SOX6: variants seen among roughly 807,000 people sequenced by gnomAD.
SOX6 encodes transcription factor SOX-6.
Under a neutral mutation model 97.8 loss-of-function variants are expected in SOX6, and 11 were observed. The ratio of observed to expected loss-of-function variants is 0.11; its 90% CI spans 0.07 to 0.19. SOX6 has a LOEUF of 0.19. Among genes scored for constraint, SOX6 ranks in the 10% least tolerant of loss-of-function variants. The pLI, the probability that SOX6 is intolerant of heterozygous loss-of-function variation, is 1.00. For synonymous variants in SOX6, 360 were observed against 371.4 expected, an observed-to-expected ratio of 0.97 and a Z score of 0.35; for missense variants, 810 against 1,039.5, an observed-to-expected ratio of 0.78 and a Z score of 3.04.
In SOX6 at chr11:15,999,863, A is replaced by G. The variant is rs115300795; in HGVS notation, c.1733-10633T>C. Among the ~76,000 whole-genome samples, 1,396 of 152,298 alleles carry G rather than the reference A, an allele frequency of 9.2e-3. 17 individuals are homozygous for G. The highest frequency in any genetic ancestry group is 0.032 in the African/African-American group (1,337 of 41,570). Reference sequence around the variant, plus strand: ...CCTGTGAGATTCTGAAGAGTCACACAATACATTTGATAGTCCCTTACTTGG... The same window carrying G: ...CCTGTGAGATTCTGAAGAGTCACACGATACATTTGATAGTCCCTTACTTGG... On this transcript the variant is annotated intron_variant, in intron 13 of 15. Coordinates refer to ENST00000683767, the MANE Select transcript of SOX6 (RefSeq NM_001367873.1).
chr11:16,370,126 C>T (rs758092075), intron 1 of SOX6, among the ~76,000 whole-genome samples: 18 of 152,158 alleles, frequency 1.2e-4, no homozygotes, highest in Non-Finnish European at 2.2e-4. Context: ...CTCCCCATCA[C>T]AAGTCCAAGC....
chr11:16,474,012 G>A (rs1481456704), intron 1 of SOX6, among the ~76,000 whole-genome samples: 1 of 152,108 alleles, frequency 6.6e-6, no homozygotes, highest in Non-Finnish European at 1.5e-5. Context: ...AATGTTTACA[G>A]CATCTTTCAC....
intron 4 of SOX6, among the ~76,000 whole-genome samples, chr11:16,222,888 C>T (rs1181990933): frequency 6.6e-6 from 1 of 152,070 alleles, no homozygotes; most frequent in African/African-American, 2.4e-5. Flanking sequence ...ATCCCTTTCA[C>T]CTTTATTATT....
chr11:16,435,918 G>C (rs1211809545), intron 1 of SOX6, among the ~76,000 whole-genome samples: 1 of 151,840 alleles, frequency 6.6e-6, no homozygotes, highest in African/African-American at 2.4e-5. Context: ...TCTCCATTAA[G>C]GGATTGCCCC....
intron 7 of SOX6, among the ~76,000 whole-genome samples, chr11:16,111,356 G>T (rs774366203): frequency 2.6e-5 from 4 of 152,130 alleles, no homozygotes; most frequent in Non-Finnish European, 4.4e-5. Context: ...TTTACCATTA[G>T]TGGTAAGCTA....
At chr11:16,706,262 G>C (rs1166591134) in intron 3 of SOX6, among the ~76,000 whole-genome samples, 1 of 148,218 alleles carries the variant, frequency 6.7e-6, no homozygotes. Flanking sequence ...CAACAAAGGA[G>C]ACCCCATTTC....
At position 16,212,771 on chromosome 11, in the gene SOX6, G is replaced by A. The variant is rs371435169; in HGVS notation, c.535+21811C>T. ...TCCAATCCGATGGATGCAAAATGGC[G>A]TCTTATTTTTTCTTTAATTTGCATT... On this transcript the variant is annotated intron_variant, in intron 4 of 15. Coordinates refer to ENST00000683767, the MANE Select transcript of SOX6 (RefSeq NM_001367873.1). 1.1e-4 allele frequency among the ~76,000 whole-genome samples: 16 copies of A among 152,150 alleles called. No homozygotes were observed. The East Asian group carries it at 1.7e-3, about 17-fold the overall frequency.
chr11:16,552,392 C>T (rs1050180243), intron 4 of SOX6, among the ~76,000 whole-genome samples: 8 of 152,158 alleles, frequency 5.3e-5, no homozygotes, highest in African/African-American at 1.9e-4. Flanking sequence ...AAAGGTCACC[C>T]TCATTTCCCC....
At chr11:16,467,913 C>T (rs1433363304) in intron 1 of SOX6, among the ~76,000 whole-genome samples, 2 of 152,194 alleles carry the variant, frequency 1.3e-5, no homozygotes, top group East Asian at 3.8e-4. Context: ...GAGACCACCA[C>T]TAAGCTTAAA....
chr11:16,722,121 G>A (rs1848271767), intron 2 of SOX6, among the ~76,000 whole-genome samples: 1 of 151,940 alleles, frequency 6.6e-6, no homozygotes, highest in Non-Finnish European at 1.5e-5. Flanking sequence ...CATAAGAATG[G>A]GCAAAGATTT....
chr11:16,242,739 T>C (rs1016047313), intron 3 of SOX6, among the ~76,000 whole-genome samples: 8 of 151,886 alleles, frequency 5.3e-5, no homozygotes, highest in African/African-American at 1.9e-4. Context: ...GACTTTATAG[T>C]TAATGCCATA....
intron 6 of SOX6, among the ~76,000 whole-genome samples, chr11:16,146,590 T>C (rs556041750): frequency 6.6e-6 from 1 of 152,096 alleles, no homozygotes; most frequent in African/African-American, 2.4e-5. Context: ...AGAAAATTTT[T>C]GCAATCTACT....
chr11:16,016,507 CAAGTT>C (rs1386053789), intron 12 of SOX6, among the ~76,000 whole-genome samples: 4 of 151,784 alleles, frequency 2.6e-5, no homozygotes, highest in Non-Finnish European at 1.5e-5. Context: ...AAATAAAAAC[CAAGTT>C]AAGTATGGTT....
chr11:16,438,490 G>A (rs1403933921), intron 1 of SOX6, among the ~76,000 whole-genome samples: 1 of 152,166 alleles, frequency 6.6e-6, no homozygotes, highest in African/African-American at 2.4e-5. Flanking sequence ...GGTATATGCA[G>A]AATTGGATAT....
At chr11:16,436,664 A>G (rs1032220311) in intron 1 of SOX6, among the ~76,000 whole-genome samples, 1 of 152,182 alleles carries the variant, frequency 6.6e-6, no homozygotes. Context: ...CATCTGTAAA[A>G]TAGGTTTTGT....
chr11:16,428,173 G>A (rs989769086), intron 1 of SOX6, among the ~76,000 whole-genome samples: 1 of 151,950 alleles, frequency 6.6e-6, no homozygotes, highest in African/African-American at 2.4e-5. Context: ...TTTTTGATGG[G>A]GTTGTTTTTT....
intron 4 of SOX6, among the ~76,000 whole-genome samples, chr11:16,500,623 A>C (rs1335212348): frequency 2.0e-5 from 3 of 152,228 alleles, no homozygotes; most frequent in Admixed American, 6.5e-5. Flanking sequence ...TCAGGATACA[A>C]AATCAATGTG....
At chr11:16,442,664 A>G (rs1176574251) in intron 1 of SOX6, among the ~76,000 whole-genome samples, 1 of 152,184 alleles carries the variant, frequency 6.6e-6, no homozygotes, top group African/African-American at 2.4e-5. Flanking sequence ...AAAGTATAAG[A>G]AAATTCAAAA....
chr11:16,373,870 A>C (rs1590167800), intron 1 of SOX6, among the ~76,000 whole-genome samples: 1 of 17,362 alleles, frequency 5.8e-5, no homozygotes, highest in Non-Finnish European at 1.9e-4. Context: ...GAAGGAAGGA[A>C]GGAAGGAAGG....
Sources: allele counts gnomAD v4.1 joint callset (sites outside exome capture counted in the v4.1 genomes callset), GRCh38; gene constraint gnomAD v4.1.1; transcripts MANE v1.5; gene names NCBI Gene and HGNC (gene_info 2026-07-23, HGNC 2026-07-21).